The following GOLGA3 variants were observed in gnomAD, a reference collection of about 807,000 sequenced individuals.
GOLGA3 encodes golgin A3, also known as golgin subfamily A member 3.
GOLGA3 carries 75 observed loss-of-function variants against 169.4 expected under a neutral mutation model. That is an observed-to-expected ratio of 0.44 (90% confidence interval 0.37 to 0.54). The LOEUF (loss-of-function observed/expected upper bound fraction) is 0.54. Ranked by LOEUF, GOLGA3 falls within the 20% of genes least tolerant of loss-of-function variation. GOLGA3 has a pLI of 0.00. For synonymous variants in GOLGA3, 824 were observed against 822.4 expected (o/e 1.00, Z -0.03); for missense variants, 1,899 against 1,930.0 (o/e 0.98, Z 0.30).
chr12:132,789,424 C>A, intron 12 of GOLGA3, 134 bp from the exon 13 acceptor site: 1 of 719,846 alleles, frequency 1.4e-6, no homozygotes, highest in Non-Finnish European at 2.2e-6. Flanking sequence ...AGATACATTT[C>A]ATCAAATCTA....
At chr12:132,821,836 A>C (rs1950231587) in intron 2 of GOLGA3, among the ~76,000 whole-genome samples, 160 bp downstream of exon 2, 1 of 141,332 alleles carries the variant, frequency 7.1e-6, no homozygotes, top group African/African-American at 2.5e-5. Flanking sequence ...CCTGGGCGAA[A>C]GAGCGAGACT....
At chr12:132,824,156 G>A (rs538233883) in intron 1 of GOLGA3, among the ~76,000 whole-genome samples, 52 of 152,316 alleles carry the variant, frequency 3.4e-4, no homozygotes, top group African/African-American at 1.1e-3. Context: ...CACTGACCCC[G>A]CAGCAGGACG....
intron 13 of GOLGA3, 65 bp downstream of exon 13, chr12:132,788,962 A>AGACACAGGCCC: frequency 9.7e-6 from 3 of 310,602 alleles, no homozygotes; most frequent in South Asian, 5.6e-5. Context: ...CACAGGCCCC[A>AGACACAGGCCC]CCCTCCCGAC....
intron 8 of GOLGA3, among the ~76,000 whole-genome samples, chr12:132,800,970 A>G (rs1403392404): frequency 1.3e-5 from 2 of 152,192 alleles, no homozygotes. Flanking sequence ...AAAAAAAACC[A>G]AAAACAAAAA....
In GOLGA3 at chr12:132,796,687, T is replaced by G. The variant is rs2136470986; in HGVS notation, c.1952A>C (p.Asp651Ala). ...QLQGIEADML[D>A]QEAAFMQIQE... The stretch of plus-strand genomic sequence containing the variant: ...AATCTGCATGAAGGCTGCTTCCTGA[T>G]CCAACATGTCAGCCTGAGCCCAGGA... The change falls in exon 10 of 24, where the codon GAT (aspartate) becomes GCT (alanine). Residue 651 changes from aspartate to alanine, a missense_variant. Transcript: ENST00000450791. The G allele has an allele frequency of 6.2e-7, 1 of 1,613,908 alleles. No homozygotes were observed. Among genetic ancestry groups the G allele is most frequent in the African/African-American group, 1.3e-5 (1 of 75,048 alleles).
chr12:132,812,654 T>C (rs1280373185), intron 4 of GOLGA3, among the ~76,000 whole-genome samples: 1 of 152,228 alleles, frequency 6.6e-6, no homozygotes, highest in East Asian at 1.9e-4. Context: ...GCAAGGGCAC[T>C]AGAACTAGAA....
Position 132,773,301 on chromosome 12 carries a change from CAGA to C in GOLGA3, c.4308-10_4308-8del, listed in dbSNP as rs775039337. 11 of 1,393,448 alleles carry C rather than the reference CAGA, an allele frequency of 7.9e-6. No homozygotes were observed. The highest frequency in any genetic ancestry group is 7.5e-5 in the African/African-American group (5 of 66,962). 86.3% of individuals were successfully genotyped at this position (1,393,448 alleles called of 1,614,324 possible). A position where few individuals can be genotyped will look rare whatever the true frequency, so the allele number is the denominator to read the frequency against. ...CAGGCTGTCCATCTCCTGCCTGGGA[CAGA>C]AGAAGGAGGAAGAAGGCCCAGATCA... is the stretch of plus-strand genomic sequence containing the variant. On this transcript the variant is annotated splice_polypyrimidine_tract_variant and splice_region_variant and intron_variant, in intron 23 of 23. Coordinates refer to ENST00000450791, the MANE Select transcript of GOLGA3 (RefSeq NM_001389683.1).
In GOLGA3 at chr12:132,804,719, T is replaced by C; in HGVS notation, c.1594A>G (p.Thr532Ala). ...GCGTGGCCAGGGCCAGCCTCACCTGTGTTGTCCTTGCTGAGCATGCTCCTC... is the reference window on the plus strand; with the variant it reads ...GCGTGGCCAGGGCCAGCCTCACCTGCGTTGTCCTTGCTGAGCATGCTCCTC... ...MQRSMLSKDN[T>A]VHDLRQQMTA... The change falls in exon 7 of 24, where the codon ACA (threonine) becomes GCA (alanine). Residue 532 changes from threonine to alanine, a missense_variant. Transcript: ENST00000450791. This position sits in a 1 kb window ranked among gnomAD's most constrained non-coding sequence, Gnocchi z 4.1. 17 of 1,611,610 alleles carry C rather than the reference T, an allele frequency of 1.1e-5. No homozygotes were observed. Among genetic ancestry groups the C allele is most frequent in the Non-Finnish European group, 1.4e-5 (17 of 1,178,100 alleles).
intron 13 of GOLGA3, 76 bp from the exon 14 acceptor site, chr12:132,786,863 C>T (rs2045931494): frequency 1.9e-6 from 2 of 1,025,896 alleles, no homozygotes; most frequent in Admixed American, 3.5e-5. Context: ...TCCAGCCCAT[C>T]ACCCCCACCA....
chr12:132,800,378 C>T (rs1949073305), intron 8 of GOLGA3, among the ~76,000 whole-genome samples: 2 of 152,048 alleles, frequency 1.3e-5, no homozygotes, highest in African/African-American at 4.8e-5. Context: ...CCTGTAATCC[C>T]AGCTACTCGG....
chr12:132,796,059 C>A lies in GOLGA3; in HGVS notation c.2262G>T (p.Leu754=), dbSNP rs1234733413. The A allele has an allele frequency of 7.4e-6, 12 of 1,612,648 alleles. No individual in the cohort carries two copies. The highest frequency in any genetic ancestry group is 1.0e-5 in the Non-Finnish European group (12 of 1,179,968). Residue 754 remains leucine, a synonymous_variant, in exon 11 of 24, where the codon CTG becomes CTT. Coordinates refer to ENST00000450791, the MANE Select transcript of GOLGA3 (RefSeq NM_001389683.1). ...QTHYDELQAR[L]GELQGEAASR... ...AGGCGGCCTCGCCCTGCAGCTCCCCCAGCCTGGCCTGCAGCTCATCGTAGT... is the reference window on the plus strand; with the variant it reads ...AGGCGGCCTCGCCCTGCAGCTCCCCAAGCCTGGCCTGCAGCTCATCGTAGT...
At chr12:132,823,085 G>T (rs1028924129) in intron 1 of GOLGA3, among the ~76,000 whole-genome samples, 4 of 152,246 alleles carry the variant, frequency 2.6e-5, no homozygotes, top group African/African-American at 7.2e-5. Context: ...ATGGGATGTG[G>T]TAACTCTATA....
At chr12:132,807,136 G>C in intron 6 of GOLGA3, 41 bp downstream of exon 6, 1 of 1,256,698 alleles carries the variant, frequency 8.0e-7, no homozygotes. Flanking sequence ...CATGCTTTCC[G>C]ACTTCGCCGC....
intron 1 of GOLGA3, among the ~76,000 whole-genome samples, chr12:132,826,983 A>G (rs1950444718): frequency 1.3e-5 from 2 of 152,168 alleles, no homozygotes; most frequent in South Asian, 4.1e-4. Flanking sequence ...GAGAAGAGAC[A>G]GGACAAAGCT....
In GOLGA3 at chr12:132,770,232, CAAAA is replaced by C. The variant is rs10553966; in HGVS notation, c.*2869_*2872del. 9 of 135,728 alleles carry C rather than the reference CAAAA, an allele frequency of 6.6e-5. No homozygotes were observed. The highest frequency in any genetic ancestry group is 8.0e-5 in the Non-Finnish European group (5 of 62,288). 8.4% of individuals were successfully genotyped at this position (135,728 alleles called of 1,614,324 possible). A position where few individuals can be genotyped will look rare whatever the true frequency, so the allele number is the denominator to read the frequency against. ...TGGGCGACAGAGCGAGACTCTGTCT[CAAAA>C]AAAAAAAAAAAAAATTCCAACTTCC... On this transcript the variant is annotated 3_prime_UTR_variant, in exon 24 of 24. Coordinates refer to ENST00000450791, the MANE Select transcript of GOLGA3 (RefSeq NM_001389683.1).
At chr12:132,806,214 T>C (rs1307889348) in intron 6 of GOLGA3, among the ~76,000 whole-genome samples, 1 of 152,150 alleles carries the variant, frequency 6.6e-6, no homozygotes. Flanking sequence ...CTCACGATCT[T>C]GGTGTGGATG....
intron 15 of GOLGA3, among the ~76,000 whole-genome samples, chr12:132,785,838 C>T (rs986718056): frequency 2.0e-5 from 3 of 152,232 alleles, no homozygotes; most frequent in East Asian, 1.9e-4. Context: ...ACGGCCTCCA[C>T]GGAAGGCTCT....
chr12:132,773,919 C>T, intron 23 of GOLGA3, among the ~76,000 whole-genome samples: 1 of 150,456 alleles, frequency 6.6e-6, no homozygotes, highest in Non-Finnish European at 1.5e-5. Flanking sequence ...AGTCCCCCTC[C>T]CCCTTTATAT....
chr12:132,814,692 G>C (rs984313857), intron 3 of GOLGA3, among the ~76,000 whole-genome samples: 1 of 152,238 alleles, frequency 6.6e-6, no homozygotes, highest in Admixed American at 6.5e-5. Context: ...ATGCTGCACA[G>C]GCTCCGCCCT....
Sources: gnomAD v4.1 joint callset for allele counts (sites outside exome capture counted in the v4.1 genomes callset) on GRCh38, gnomAD v4.1.1 for gene constraint, Gnocchi (gnomAD v3.1) non-coding constraint, MANE v1.5 for transcripts, NCBI Gene and HGNC (gene_info 2026-07-23, HGNC 2026-07-21) for gene names.